Variants in ERC2 observed in about 807,000 individuals in gnomAD.
ERC2 encodes the protein ELKS/RAB6-interacting/CAST family member 2.
A neutral mutation model predicts 114.8 loss-of-function variants in ERC2; 42 were observed. That is an observed-to-expected ratio of 0.37 (90% CI 0.29 to 0.47). The LOEUF is 0.47. ERC2 is among the 20% of genes least tolerant of loss of function. ERC2 has a pLI of 0.99. For synonymous variants in ERC2, 454 were observed against 425.5 expected, an observed-to-expected ratio of 1.07 and a Z score of -0.82; for missense variants, 939 against 1,150.7, an observed-to-expected ratio of 0.82 and a Z score of 2.66.
chr3:55,784,618 C>A (rs1321452022), intron 14 of ERC2, among the ~76,000 whole-genome samples: 2 of 152,188 alleles, frequency 1.3e-5, no homozygotes, highest in Non-Finnish European at 2.9e-5. Flanking sequence ...GATCTTTCTT[C>A]TTCCTTTATG....
At chr3:55,557,532 G>C (rs950951751) in intron 17 of ERC2, among the ~76,000 whole-genome samples, 1 of 152,234 alleles carries the variant, frequency 6.6e-6, no homozygotes, top group Non-Finnish European at 1.5e-5. Context: ...GCCACCCCTT[G>C]GGGGAATCCT....
chr3:56,131,309 A>C (rs2080187733), intron 6 of ERC2, among the ~76,000 whole-genome samples: 1 of 152,218 alleles, frequency 6.6e-6, no homozygotes, highest in Admixed American at 6.5e-5. Context: ...GGGAGGAAAA[A>C]TACAAATGAC....
At chr3:56,132,498 A>T (rs2080261800) in intron 6 of ERC2, among the ~76,000 whole-genome samples, 1 of 152,116 alleles carries the variant, frequency 6.6e-6, no homozygotes, top group African/African-American at 2.4e-5. Context: ...AGAAATTATC[A>T]TTGCTGCTTC....
intron 3 of ERC2, among the ~76,000 whole-genome samples, chr3:56,206,352 G>A (rs1021877073): frequency 1.3e-5 from 2 of 152,116 alleles, no homozygotes; most frequent in Admixed American, 1.3e-4. Context: ...ATTTTCCAAT[G>A]ATGAAGACAC....
intron 2 of ERC2, among the ~76,000 whole-genome samples, chr3:56,311,067 A>G (rs2056508006): frequency 6.6e-6 from 1 of 151,548 alleles, no homozygotes; most frequent in Non-Finnish European, 1.5e-5. Flanking sequence ...GGACACTACT[A>G]GATAAAGTGG....
chr3:56,077,370 A>G (rs2077022124), intron 7 of ERC2, among the ~76,000 whole-genome samples: 1 of 152,190 alleles, frequency 6.6e-6, no homozygotes, highest in South Asian at 2.1e-4. Context: ...TAAACATGAA[A>G]CATTTCCAAA....
intron 2 of ERC2, among the ~76,000 whole-genome samples, chr3:56,382,465 C>A (rs370173474): frequency 6.6e-6 from 1 of 152,148 alleles, no homozygotes; most frequent in Non-Finnish European, 1.5e-5. Flanking sequence ...ACTTTCCCCC[C>A]ACCATTTCCC....
chr3:56,208,971 C>A (rs1445628971), intron 3 of ERC2, among the ~76,000 whole-genome samples: 1 of 152,086 alleles, frequency 6.6e-6, no homozygotes, highest in Non-Finnish European at 1.5e-5. Flanking sequence ...AGCTGAGCCC[C>A]AGAGTCCATT....
chr3:55,714,714 TGAAAAGTACAG>T (rs2064009925), intron 15 of ERC2, among the ~76,000 whole-genome samples: 1 of 117,648 alleles, frequency 8.5e-6, no homozygotes, highest in African/African-American at 3.2e-5. Flanking sequence ...TATATATATA[TGAAAAGTACAG>T]AAAGATGAGC....
chr3:56,397,285 G>A (rs994491619), intron 2 of ERC2, among the ~76,000 whole-genome samples: 1 of 151,466 alleles, frequency 6.6e-6, no homozygotes, highest in African/African-American at 2.4e-5. Flanking sequence ...GTAGGCTAAG[G>A]CTGCAGTGGG....
chr3:56,060,940 G>T (rs903718432), intron 7 of ERC2, among the ~76,000 whole-genome samples: 1 of 151,978 alleles, frequency 6.6e-6, no homozygotes, highest in Non-Finnish European at 1.5e-5. Flanking sequence ...CCTAGAAAAC[G>T]ATAAAGATGG....
At chr3:55,954,125 G>A (rs1207986412) in intron 12 of ERC2, among the ~76,000 whole-genome samples, 5 of 141,784 alleles carry the variant, frequency 3.5e-5, no homozygotes, top group African/African-American at 1.3e-4. Flanking sequence ...TTTCTTTGGG[G>A]TGAAATTTTT....
chr3:55,576,639 C>T (rs1423819076), intron 17 of ERC2, among the ~76,000 whole-genome samples: 1 of 152,228 alleles, frequency 6.6e-6, no homozygotes, highest in African/African-American at 2.4e-5. Context: ...AACTCCGAGC[C>T]AAGCCAAGAG....
chr3:55,596,990 C>T (rs902989609), intron 17 of ERC2, among the ~76,000 whole-genome samples: 2 of 152,154 alleles, frequency 1.3e-5, no homozygotes, highest in African/African-American at 4.8e-5. Context: ...AAAGAACATG[C>T]ACCCAAAGAG....
intron 2 of ERC2, among the ~76,000 whole-genome samples, chr3:56,387,475 CT>C (rs1343609689): frequency 1.3e-5 from 2 of 152,136 alleles, no homozygotes; most frequent in African/African-American, 4.8e-5. Flanking sequence ...TAACTCCCTG[CT>C]GTTTGTTCTC....
chr3:55,974,337 T>C (rs983089175), intron 12 of ERC2, among the ~76,000 whole-genome samples: 2 of 152,202 alleles, frequency 1.3e-5, no homozygotes, highest in African/African-American at 4.8e-5. Context: ...GCACTCCCAC[T>C]TGTATCAGAC....
chr3:56,192,763 GC>G (rs147325618), intron 3 of ERC2, among the ~76,000 whole-genome samples: 2,122 of 152,284 alleles, frequency 0.014, 52 homozygotes, highest in African/African-American at 0.048. Flanking sequence ...TTGGAATGGA[GC>G]TAAGCCTGAA....
intron 17 of ERC2, among the ~76,000 whole-genome samples, chr3:55,523,306 C>T (rs2053087096): frequency 6.6e-6 from 1 of 152,212 alleles, no homozygotes; most frequent in Non-Finnish European, 1.5e-5. Flanking sequence ...CAAAACTCTA[C>T]AGAGATGTAT....
At chr3:55,931,091 G>A (rs1043715614) in intron 13 of ERC2, among the ~76,000 whole-genome samples, 7 of 152,214 alleles carry the variant, frequency 4.6e-5, no homozygotes, top group Non-Finnish European at 1.0e-4. Flanking sequence ...TCATTAAAAA[G>A]TCAGGAAACA....
Sources: gnomAD v4.1 joint callset for allele counts (sites outside exome capture counted in the v4.1 genomes callset) on GRCh38, gnomAD v4.1.1 for gene constraint, MANE v1.5 for transcripts, NCBI Gene and HGNC (gene_info 2026-07-23, HGNC 2026-07-21) for gene names.